The following RPS6KC1 variants were observed in gnomAD, a reference collection of about 807,000 sequenced individuals.
RPS6KC1 encodes the protein ribosomal protein S6 kinase C1.
Under a neutral mutation model 103.8 loss-of-function variants are expected in RPS6KC1, and 54 were observed. That is an observed-to-expected ratio of 0.52 (90% CI 0.42 to 0.65). RPS6KC1 has a LOEUF of 0.65. RPS6KC1 is among the 30% of genes least tolerant of loss of function. The probability of loss-of-function intolerance (pLI) is 0.00; values close to 1 mark genes in which losing one functional copy is unlikely to be tolerated. For missense variants in RPS6KC1, 1,151 were observed against 1,253.8 expected (o/e 0.92, Z 1.24); for synonymous variants, 439 against 438.7 (o/e 1.00, Z -0.01).
chr1:213,477,150 G>A, the RPS6KC1 span, among the ~76,000 whole-genome samples: 6 of 152,228 alleles, frequency 3.9e-5, no homozygotes. Flanking sequence ...TGTTCCTAAT[G>A]TGGTCTAATG....
chr1:213,702,852 T>TTTTG, the RPS6KC1 span, among the ~76,000 whole-genome samples: 3 of 60,220 alleles, frequency 5.0e-5, no homozygotes, highest in Non-Finnish European at 1.1e-4. Flanking sequence ...TGAGGTTTTT[T>TTTTG]TTGTTTGTTT....
chr1:213,115,812 G>A (rs193105960), intron 4 of RPS6KC1, among the ~76,000 whole-genome samples: 4 of 152,054 alleles, frequency 2.6e-5, no homozygotes, highest in African/African-American at 4.8e-5. Flanking sequence ...TGTTATGTAC[G>A]CAGTAGTCAT....
the RPS6KC1 span, among the ~76,000 whole-genome samples, chr1:213,597,598 A>T: frequency 6.6e-6 from 1 of 152,210 alleles, no homozygotes; most frequent in African/African-American, 2.4e-5. Flanking sequence ...TTGGGAAAGG[A>T]AGGGGAAACC....
At chr1:213,576,668 A>G in the RPS6KC1 span, among the ~76,000 whole-genome samples, 1 of 152,130 alleles carries the variant, frequency 6.6e-6, no homozygotes, top group South Asian at 2.1e-4. Context: ...CTATTCCTGG[A>G]GACAAAACAA....
At position 213,175,065 on chromosome 1, in the gene RPS6KC1, A is replaced by C. The variant is rs1219066942; in HGVS notation, c.952-1335A>C. Among the ~76,000 whole-genome samples, 4 of 152,200 alleles carry C rather than the reference A, an allele frequency of 2.6e-5. No individual in the cohort carries two copies. In the South Asian group the frequency reaches 8.3e-4, roughly 31 times the overall value. ...AAAACAAAACAAAAAAATTGAAAAG[A>C]ATTAGAATTGCTGCTTTTAGAAAAA... On this transcript the variant is annotated intron_variant, in intron 7 of 14. Transcript: ENST00000366960.
At chr1:213,402,976 A>AAAAT in the RPS6KC1 span, among the ~76,000 whole-genome samples, 1 of 150,102 alleles carries the variant, frequency 6.7e-6, no homozygotes, top group South Asian at 2.1e-4. Flanking sequence ...AAAAAAAAAA[A>AAAAT]AATTAGCCAG....
chr1:213,536,419 A>G, the RPS6KC1 span, among the ~76,000 whole-genome samples: 1 of 152,232 alleles, frequency 6.6e-6, no homozygotes, highest in South Asian at 2.1e-4. Flanking sequence ...GCAAATAAGT[A>G]AATGAGCAAA....
chr1:213,597,986 AAAAAC>A, the RPS6KC1 span, among the ~76,000 whole-genome samples: 1 of 152,214 alleles, frequency 6.6e-6, no homozygotes, highest in Non-Finnish European at 1.5e-5. Context: ...AAAAGAAACA[AAAAAC>A]AAAACAGAGT....
the RPS6KC1 span, among the ~76,000 whole-genome samples, chr1:213,801,192 G>C: frequency 2.6e-5 from 4 of 152,156 alleles, no homozygotes; most frequent in Non-Finnish European, 5.9e-5. Context: ...GCATGGACTA[G>C]TGACATTGAC....
At chr1:213,718,504 A>G in the RPS6KC1 span, among the ~76,000 whole-genome samples, 1,332 of 152,346 alleles carry the variant, frequency 8.7e-3, 27 homozygotes, top group East Asian at 0.076. Context: ...TATGGAATAC[A>G]TGGTAGCCTC....
At chr1:213,254,139 C>G (rs2094592899) in intron 12 of RPS6KC1, among the ~76,000 whole-genome samples, 1 of 148,842 alleles carries the variant, frequency 6.7e-6, no homozygotes, top group Admixed American at 7.0e-5. Context: ...TTTATTTAAT[C>G]TTATTTATTC....
At chr1:213,115,916 GAT>G (rs1433648437) in intron 4 of RPS6KC1, among the ~76,000 whole-genome samples, 2 of 152,214 alleles carry the variant, frequency 1.3e-5, no homozygotes, top group Admixed American at 1.3e-4. Context: ...TGGTCTGAGA[GAT>G]ATTTTGTTAT....
chr1:213,428,174 C>T, the RPS6KC1 span, among the ~76,000 whole-genome samples: 1 of 152,160 alleles, frequency 6.6e-6, no homozygotes, highest in Non-Finnish European at 1.5e-5. Context: ...CAGAGGCTGC[C>T]TCCTTTCAAA....
the RPS6KC1 span, among the ~76,000 whole-genome samples, chr1:213,328,497 C>A: frequency 3.7e-5 from 3 of 80,214 alleles, no homozygotes; most frequent in East Asian, 1.4e-3. Flanking sequence ...GGGAGTCAGC[C>A]ATTATACTAT....
chr1:213,717,406 C>T, the RPS6KC1 span, among the ~76,000 whole-genome samples: 1 of 152,166 alleles, frequency 6.6e-6, no homozygotes, highest in African/African-American at 2.4e-5. Flanking sequence ...AAAAAAGTAA[C>T]TTGAGACAGA....
the RPS6KC1 span, among the ~76,000 whole-genome samples, chr1:213,375,892 C>T: frequency 3.9e-5 from 6 of 152,320 alleles, no homozygotes; most frequent in East Asian, 1.2e-3. Flanking sequence ...ACACATGGGC[C>T]CACAGCTGCA....
chr1:213,208,085 CT>C (rs1009040047), intron 8 of RPS6KC1, among the ~76,000 whole-genome samples: 15 of 152,166 alleles, frequency 9.9e-5, no homozygotes, highest in African/African-American at 3.1e-4. Flanking sequence ...TTGTATGTTA[CT>C]TTTTCCCCCA....
chr1:213,152,256 G>C (rs1157151996), intron 6 of RPS6KC1, among the ~76,000 whole-genome samples: 1 of 146,680 alleles, frequency 6.8e-6, no homozygotes, highest in Non-Finnish European at 1.5e-5. Flanking sequence ...CCTCCCGGAC[G>C]GGGCGGCTGG....
the RPS6KC1 span, among the ~76,000 whole-genome samples, chr1:213,449,614 A>G: frequency 6.6e-6 from 1 of 152,214 alleles, no homozygotes; most frequent in South Asian, 2.1e-4. Context: ...TCTGGGGCTT[A>G]GGACTCCAAC....
Sources: allele counts gnomAD v4.1 joint callset (sites outside exome capture counted in the v4.1 genomes callset), GRCh38; gene constraint gnomAD v4.1.1; transcripts MANE v1.5; gene names NCBI Gene and HGNC (gene_info 2026-07-23, HGNC 2026-07-21).